SAMMSON: variants seen among roughly 807,000 people sequenced by gnomAD.
SAMMSON encodes survival associated mitochondrial melanoma specific oncogenic non-coding RNA.
chr3:70,308,722 A>T (rs1021058005), intron 7 of SAMMSON, among the ~76,000 whole-genome samples: 3 of 152,170 alleles, frequency 2.0e-5, no homozygotes, highest in African/African-American at 7.2e-5. Context: ...AGTCTCTCCA[A>T]TTAATAACAC....
At chr3:70,259,775 C>G (rs946067609) in intron 6 of SAMMSON, among the ~76,000 whole-genome samples, 2 of 152,074 alleles carry the variant, frequency 1.3e-5, no homozygotes, top group Admixed American at 6.6e-5. Context: ...GGTATAAAAA[C>G]TGACCGAGAC....
chr3:70,070,765 C>T (rs771461753), intron 3 of SAMMSON, among the ~76,000 whole-genome samples: 43 of 151,916 alleles, frequency 2.8e-4, no homozygotes, highest in Non-Finnish European at 5.2e-4. Context: ...TGAGTATGAG[C>T]AATACTGTAT....
chr3:70,391,728 G>A (rs1701050503), downstream of SAMMSON, among the ~76,000 whole-genome samples: 2 of 152,168 alleles, frequency 1.3e-5, no homozygotes, highest in Middle Eastern at 3.4e-3. Flanking sequence ...ATCTCCTGGT[G>A]TTAAACAAAA....
At chr3:70,362,791 C>G (rs1296038846) in intron 9 of SAMMSON, among the ~76,000 whole-genome samples, 1 of 148,212 alleles carries the variant, frequency 6.7e-6, no homozygotes, top group Middle Eastern at 3.5e-3. Context: ...TTTGGTAACC[C>G]AGGAAAGATC....
chr3:70,045,842 C>T (rs1384666829), intron 3 of SAMMSON, among the ~76,000 whole-genome samples: 1 of 152,068 alleles, frequency 6.6e-6, no homozygotes, highest in Non-Finnish European at 1.5e-5. Context: ...TTCTTTAAAT[C>T]ATACAAATTA....
At chr3:70,347,999 C>T (rs886665396) in intron 7 of SAMMSON, among the ~76,000 whole-genome samples, 8 of 151,982 alleles carry the variant, frequency 5.3e-5, no homozygotes, top group African/African-American at 7.3e-5. Context: ...GACCAGATCG[C>T]GCCACTACAC....
intron 7 of SAMMSON, among the ~76,000 whole-genome samples, chr3:70,306,963 A>G (rs993352347): frequency 2.0e-5 from 3 of 152,162 alleles, no homozygotes; most frequent in African/African-American, 7.2e-5. Flanking sequence ...ATAAATATGT[A>G]TATGTATGTG....
chr3:70,120,019 A>G (rs984912810), intron 4 of SAMMSON: 1 of 152,092 alleles, frequency 6.6e-6, no homozygotes, highest in Non-Finnish European at 1.5e-5. Context: ...CAACCCCAGA[A>G]CTGTAGGATG....
At chr3:70,258,465 C>T (rs1173255395) in intron 6 of SAMMSON, among the ~76,000 whole-genome samples, 8 of 152,048 alleles carry the variant, frequency 5.3e-5, no homozygotes, top group African/African-American at 1.9e-4. Context: ...TTGTTACAAC[C>T]TCTGGGTTCA....
intron 1 of SAMMSON, among the ~76,000 whole-genome samples, chr3:70,007,206 C>G (rs1267207259): frequency 6.6e-6 from 1 of 152,104 alleles, no homozygotes; most frequent in Non-Finnish European, 1.5e-5. Context: ...AGTTTAAGAT[C>G]CTTGAGGAAT....
intron 4 of SAMMSON, among the ~76,000 whole-genome samples, chr3:70,129,321 A>T (rs1296898424): frequency 6.6e-6 from 1 of 152,216 alleles, no homozygotes; most frequent in African/African-American, 2.4e-5. Context: ...TTTCATTTCC[A>T]TAACAACCTT....
chr3:70,334,680 C>T (rs115166688), intron 7 of SAMMSON, among the ~76,000 whole-genome samples: 148 of 152,114 alleles, frequency 9.7e-4, no homozygotes, highest in African/African-American at 3.3e-3. Flanking sequence ...TCACAACAAC[C>T]CTGTAAGCTA....
chr3:70,077,226 C>T (rs2067250927), intron 4 of SAMMSON, among the ~76,000 whole-genome samples: 1 of 152,110 alleles, frequency 6.6e-6, no homozygotes, highest in African/African-American at 2.4e-5. Context: ...TGGACGATAT[C>T]TGCTTTTCTT....
intron 4 of SAMMSON, among the ~76,000 whole-genome samples, chr3:70,110,189 C>T (rs919825903): frequency 6.6e-6 from 1 of 152,198 alleles, no homozygotes; most frequent in Non-Finnish European, 1.5e-5. Context: ...GTCTTTCTCT[C>T]TACTCTTACT....
chr3:70,364,546 C>A (rs552414851), intron 9 of SAMMSON, among the ~76,000 whole-genome samples: 42 of 151,934 alleles, frequency 2.8e-4, no homozygotes, highest in Non-Finnish European at 4.0e-4. Flanking sequence ...TTTAAAAATT[C>A]TATCTTTAAA....
chr3:70,093,986 T>TA (rs1368713782), intron 4 of SAMMSON, among the ~76,000 whole-genome samples: 10 of 152,182 alleles, frequency 6.6e-5, no homozygotes, highest in African/African-American at 2.4e-4. Flanking sequence ...TTTTGTGATA[T>TA]ATGGGGAACC....
chr3:70,290,731 C>A (rs1444885933), intron 6 of SAMMSON, among the ~76,000 whole-genome samples: 1 of 152,166 alleles, frequency 6.6e-6, no homozygotes, highest in African/African-American at 2.4e-5. Context: ...GCGTAGGACC[C>A]TCCGAGCCAG....
intron 7 of SAMMSON, among the ~76,000 whole-genome samples, chr3:70,326,732 A>G (rs557492684): frequency 2.6e-4 from 40 of 152,132 alleles, no homozygotes; most frequent in Non-Finnish European, 4.9e-4. Context: ...TTGTTATTCA[A>G]TTACCCCATA....
chr3:70,184,644 T>G (rs1701078791), intron 4 of SAMMSON, among the ~76,000 whole-genome samples: 1 of 152,182 alleles, frequency 6.6e-6, no homozygotes, highest in Non-Finnish European at 1.5e-5. Flanking sequence ...AATCAGAAAT[T>G]AAAGACATAC....
Sources: allele counts gnomAD v4.1 joint callset (sites outside exome capture counted in the v4.1 genomes callset), GRCh38; gene constraint gnomAD v4.1.1; transcripts MANE v1.5; gene names NCBI Gene and HGNC (gene_info 2026-07-23, HGNC 2026-07-21).